The following SAMMSON variants were observed in gnomAD, a reference collection of about 807,000 sequenced individuals.
SAMMSON encodes the protein long intergenic non-protein coding RNA 1212.
At chr3:70,377,421 T>C (rs575851653) in intron 9 of SAMMSON, among the ~76,000 whole-genome samples, 1 of 152,226 alleles carries the variant, frequency 6.6e-6, no homozygotes, top group African/African-American at 2.4e-5. Flanking sequence ...AAATGTGCTT[T>C]CACAACTGGC....
chr3:70,006,270 C>G (rs994966507), intron 1 of SAMMSON, among the ~76,000 whole-genome samples: 1 of 152,214 alleles, frequency 6.6e-6, no homozygotes, highest in South Asian at 2.1e-4. Context: ...AGCAGCTGTG[C>G]TCTCACACAT....
intron 3 of SAMMSON, among the ~76,000 whole-genome samples, chr3:70,023,862 T>C (rs2067026068): frequency 6.6e-6 from 1 of 152,196 alleles, no homozygotes; most frequent in African/African-American, 2.4e-5. Flanking sequence ...TGCCAACCTG[T>C]TATTGAGTCT....
At chr3:70,026,957 C>T (rs1242602608) in intron 3 of SAMMSON, among the ~76,000 whole-genome samples, 1 of 152,138 alleles carries the variant, frequency 6.6e-6, no homozygotes, top group African/African-American at 2.4e-5. Flanking sequence ...GCACTGACTC[C>T]TGGAGGCCCA....
intron 9 of SAMMSON, among the ~76,000 whole-genome samples, chr3:70,386,137 G>A (rs934538795): frequency 6.6e-6 from 1 of 152,072 alleles, no homozygotes; most frequent in Non-Finnish European, 1.5e-5. Flanking sequence ...AAGCCTTCTG[G>A]AAAACATGAG....
intron 4 of SAMMSON, among the ~76,000 whole-genome samples, chr3:70,230,474 T>C (rs1701547795): frequency 6.9e-6 from 1 of 145,026 alleles, no homozygotes; most frequent in Admixed American, 7.3e-5. Context: ...AAATTATTGT[T>C]ACATTAGACA....
chr3:70,338,365 G>A (rs186056197), intron 7 of SAMMSON, among the ~76,000 whole-genome samples: 2 of 152,028 alleles, frequency 1.3e-5, no homozygotes, highest in Admixed American at 6.6e-5. Context: ...CCAAGTTTTG[G>A]TATGCTCTAG....
chr3:70,319,047 C>T (rs139723267), intron 7 of SAMMSON, among the ~76,000 whole-genome samples: 2 of 152,024 alleles, frequency 1.3e-5, no homozygotes, highest in African/African-American at 4.8e-5. Flanking sequence ...CTCACAAAAG[C>T]TACTTTTTGC....
chr3:70,045,547 A>C (rs1005581619), intron 3 of SAMMSON, among the ~76,000 whole-genome samples: 6 of 151,054 alleles, frequency 4.0e-5, no homozygotes, highest in Non-Finnish European at 8.9e-5. Flanking sequence ...CTTTGAGGGG[A>C]GGGAAAGTTG....
intron 4 of SAMMSON, chr3:70,197,072 G>A (rs1383792008): frequency 2.5e-6 from 1 of 398,554 alleles, no homozygotes; most frequent in East Asian, 3.6e-5. Context: ...TGGTGATACC[G>A]GCGAGAGGGG....
chr3:70,423,619 C>A (rs1339495880), intron 2 of SAMMSON, among the ~76,000 whole-genome samples: 3 of 152,108 alleles, frequency 2.0e-5, no homozygotes, highest in African/African-American at 7.2e-5. Context: ...ACGTGTTCTC[C>A]TGGTTTATTT....
intron 4 of SAMMSON, among the ~76,000 whole-genome samples, chr3:70,102,298 A>C (rs1238703964): frequency 6.6e-6 from 1 of 152,230 alleles, no homozygotes; most frequent in Non-Finnish European, 1.5e-5. Context: ...GAAATATAAC[A>C]AAGCCATCAT....
intron 4 of SAMMSON, among the ~76,000 whole-genome samples, chr3:70,220,467 T>G (rs1701452617): frequency 6.6e-6 from 1 of 152,072 alleles, no homozygotes; most frequent in East Asian, 1.9e-4. Context: ...CAAGTTATAT[T>G]TTTGCTGACT....
chr3:70,085,683 T>C (rs972131962), intron 4 of SAMMSON, among the ~76,000 whole-genome samples: 4 of 152,210 alleles, frequency 2.6e-5, no homozygotes, highest in African/African-American at 9.6e-5. Flanking sequence ...GTTAATATTT[T>C]AATAAGCATA....
chr3:70,321,135 C>T (rs1365409185), intron 7 of SAMMSON, among the ~76,000 whole-genome samples: 1 of 152,022 alleles, frequency 6.6e-6, no homozygotes, highest in East Asian at 1.9e-4. Flanking sequence ...ATAAATGACA[C>T]AAGGCATATG....
At chr3:70,408,472 T>C (rs1701193561) in intron 2 of SAMMSON, among the ~76,000 whole-genome samples, 2 of 152,170 alleles carry the variant, frequency 1.3e-5, no homozygotes, top group East Asian at 1.9e-4. Context: ...CTGCCAGATA[T>C]CCTAAATCAT....
chr3:70,373,087 T>C (rs1702984709), intron 9 of SAMMSON, among the ~76,000 whole-genome samples: 2 of 152,210 alleles, frequency 1.3e-5, no homozygotes, highest in African/African-American at 4.8e-5. Flanking sequence ...TTGTTCTTTC[T>C]TCCTTCTTGA....
intron 4 of SAMMSON, among the ~76,000 whole-genome samples, chr3:70,107,532 T>C (rs535091165): frequency 6.6e-6 from 1 of 151,736 alleles, no homozygotes; most frequent in South Asian, 2.1e-4. Flanking sequence ...CTTAATTTAG[T>C]AGAGAGCAGG....
chr3:70,368,585 G>C (rs193127042), intron 9 of SAMMSON, among the ~76,000 whole-genome samples: 5 of 151,108 alleles, frequency 3.3e-5, no homozygotes, highest in Admixed American at 3.3e-4. Flanking sequence ...TTTTTTTTGC[G>C]TATGGGCATC....
chr3:70,324,793 A>G (rs1264938365), intron 7 of SAMMSON, among the ~76,000 whole-genome samples: 2 of 152,148 alleles, frequency 1.3e-5, no homozygotes, highest in Non-Finnish European at 2.9e-5. Context: ...GCGTCCTGAC[A>G]TAACAAAAGC....
Sources: gnomAD v4.1 joint callset for allele counts (sites outside exome capture counted in the v4.1 genomes callset) on GRCh38, gnomAD v4.1.1 for gene constraint, MANE v1.5 for transcripts, NCBI Gene and HGNC (gene_info 2026-07-23, HGNC 2026-07-21) for gene names.